NLRP7: variants seen among roughly 807,000 people sequenced by gnomAD.
NLRP7 encodes the protein NLR family pyrin domain containing 7, also known as NACHT, LRR and PYD domains-containing protein 7.
A neutral mutation model predicts 85.5 loss-of-function variants in NLRP7; 72 were observed. The ratio of observed to expected loss-of-function variants is 0.84; its 90% CI spans 0.70 to 1.02. The LOEUF (loss-of-function observed/expected upper bound fraction) is 1.02, where lower values mean the gene tolerates loss of function less well. NLRP7 is among the 50% of genes least tolerant of loss of function. NLRP7 has a pLI of 0.00. For missense variants in NLRP7, 1,243 were observed against 1,219.5 expected (o/e 1.02, Z -0.29); for synonymous variants, 550 against 505.2 (o/e 1.09, Z -1.19).
intron 5 of NLRP7, 47 bp from the exon 6 acceptor site, chr19:54,936,478 A>G (rs2068934457): frequency 2.0e-5 from 30 of 1,483,286 alleles, no homozygotes; most frequent in East Asian, 4.5e-5. Flanking sequence ...TAATACTCAC[A>G]TTGTGTGGAG....
intron 9 of NLRP7, among the ~76,000 whole-genome samples, chr19:54,924,597 C>T (rs984110630): frequency 6.6e-6 from 1 of 151,970 alleles, no homozygotes; most frequent in African/African-American, 2.4e-5. Flanking sequence ...TGCACTCCAG[C>T]CTGGTAACAG....
At chr19:54,963,434 A>C (rs532009416) in intron 1 of NLRP7, among the ~76,000 whole-genome samples, 3 of 152,186 alleles carry the variant, frequency 2.0e-5, no homozygotes, top group South Asian at 2.1e-4. Context: ...TCGTGCCTGC[A>C]ACCCAAGCAC....
chr19:54,962,350 C>G (rs1014141404), intron 1 of NLRP7, among the ~76,000 whole-genome samples: 10 of 149,214 alleles, frequency 6.7e-5, no homozygotes, highest in African/African-American at 2.5e-4. Context: ...TCACTGCAAC[C>G]TCTGCCTCCC....
At chr19:54,965,003 T>C (rs1369634667) in intron 1 of NLRP7, 1 of 102,324 alleles carries the variant, frequency 9.8e-6, no homozygotes, top group East Asian at 2.6e-4. Context: ...AAGCGGTGAT[T>C]CTCAGCCTCG....
intron 4 of NLRP7, 60 bp from the exon 5 acceptor site, chr19:54,938,301 T>C (rs970144076): frequency 1.4e-6 from 2 of 1,389,500 alleles, no homozygotes; most frequent in Non-Finnish European, 2.0e-6. Context: ...GATGGGCATC[T>C]GCAAACCACA....
At chr19:54,942,536 C>G (rs928154429) in intron 1 of NLRP7, among the ~76,000 whole-genome samples, 5 of 150,470 alleles carry the variant, frequency 3.3e-5, no homozygotes, top group African/African-American at 1.2e-4. Flanking sequence ...CCAGCCTGAC[C>G]AACACGGCGA....
At chr19:54,961,171 A>G (rs1364747928) in intron 1 of NLRP7, among the ~76,000 whole-genome samples, 2 of 151,854 alleles carry the variant, frequency 1.3e-5, no homozygotes, top group Non-Finnish European at 2.9e-5. Context: ...CCAGGAGTTC[A>G]AGACCGGCCC....
intron 1 of NLRP7, among the ~76,000 whole-genome samples, chr19:54,956,787 G>A (rs749225046): frequency 2.7e-5 from 4 of 150,284 alleles, no homozygotes; most frequent in Admixed American, 6.7e-5. Context: ...CCAACACCAC[G>A]CCTTCTAATT....
chr19:54,928,549 TTAAAA>T (rs2068542269), intron 9 of NLRP7, among the ~76,000 whole-genome samples: 1 of 152,080 alleles, frequency 6.6e-6, no homozygotes, highest in African/African-American at 2.4e-5. Context: ...GATGATGGTA[TTAAAA>T]TAAACAGGGT....
chr19:54,929,802 T>C (rs1013950536), intron 9 of NLRP7, among the ~76,000 whole-genome samples: 5 of 152,066 alleles, frequency 3.3e-5, no homozygotes, highest in Admixed American at 3.3e-4. Context: ...TCCGAAGTGA[T>C]ACAGTCTGAG....
intron 1 of NLRP7, among the ~76,000 whole-genome samples, chr19:54,959,963 G>A (rs1398881406): frequency 6.6e-6 from 1 of 151,782 alleles, no homozygotes; most frequent in Non-Finnish European, 1.5e-5. Context: ...GTGTAGACAG[G>A]CTTTCACAGA....
At position 54,934,349 on chromosome 19, in the gene NLRP7, G is replaced by A. The variant is rs1376829078; in HGVS notation, c.2471+140C>T. 3 of 854,622 alleles carry A rather than the reference G, an allele frequency of 3.5e-6. No individual in the cohort carries two copies. The highest frequency in any genetic ancestry group is 1.7e-5 in the African/African-American group (1 of 60,220). 52.9% of individuals were successfully genotyped at this position (854,622 alleles called of 1,614,324 possible). ...ACCTCTCTGCTGAGATTACAGGCAGGAGCCACCGTGCCGGGCCTGAAGCAG... is the reference window on the plus strand; with the variant it reads ...ACCTCTCTGCTGAGATTACAGGCAGAAGCCACCGTGCCGGGCCTGAAGCAG... On this transcript the variant is annotated intron_variant, in intron 7 of 9. Transcript: ENST00000340844. The surrounding 1 kb of genome is among the most constrained non-coding windows in gnomAD (Gnocchi z 6.7).
At chr19:54,956,064 T>C (rs1264201615) in intron 1 of NLRP7, among the ~76,000 whole-genome samples, 2 of 146,096 alleles carry the variant, frequency 1.4e-5, no homozygotes, top group African/African-American at 5.1e-5. Context: ...CACTTGAGAC[T>C]GGGAGGTCAT....
intron 1 of NLRP7, among the ~76,000 whole-genome samples, chr19:54,944,281 A>C (rs2069370296): frequency 6.6e-6 from 1 of 152,010 alleles, no homozygotes; most frequent in Non-Finnish European, 1.5e-5. Context: ...CCATCCACCG[A>C]GATAGGGGAA....
At chr19:54,947,657 G>T (rs2069534467), upstream of NLRP7, 2 of 1,288,910 alleles carry the variant, frequency 1.6e-6, no homozygotes, top group Non-Finnish European at 2.0e-6. Context: ...ACATCACCTG[G>T]GCCCCATCCT....
chr19:54,932,654 T>G (rs1208368568), intron 8 of NLRP7, among the ~76,000 whole-genome samples: 1 of 151,072 alleles, frequency 6.6e-6, no homozygotes, highest in Non-Finnish European at 1.5e-5. Context: ...TTTTGTTGAG[T>G]TTTTTTTTGT....
rs553371110 is a variant in NLRP7 at position 54,934,231 on chromosome 19, G to A, written c.2471+258C>T. 3.3e-5 allele frequency among the ~76,000 whole-genome samples: 5 copies of A among 152,118 alleles called. No individual in the cohort carries two copies. The highest frequency in any genetic ancestry group is 4.8e-5 in the African/African-American group (2 of 41,520). On this transcript the variant is annotated intron_variant, in intron 7 of 9. Coordinates refer to ENST00000340844, the Ensembl canonical transcript of NLRP7. The surrounding 1 kb of genome is among the most constrained non-coding windows in gnomAD (Gnocchi z 6.7). ...GCTGGGATTACAGGCATGAGCCACC[G>A]CACCCGGCCTGTTTTTGGTATTTTT...
chr19:54,930,356 G>A, intron 9 of NLRP7, 143 bp downstream of exon 9: 1 of 664,414 alleles, frequency 1.5e-6, no homozygotes, highest in Non-Finnish European at 2.7e-6. Context: ...CAGCTACTCA[G>A]GAGGCTGAGG....
At chr19:54,952,505 A>G (rs1042005291), upstream of NLRP7, among the ~76,000 whole-genome samples, 2 of 151,880 alleles carry the variant, frequency 1.3e-5, no homozygotes, top group Non-Finnish European at 2.9e-5. Context: ...GAGGCAAGAG[A>G]ATTACTTGAA....
Sources: gnomAD v4.1 joint callset for allele counts (sites outside exome capture counted in the v4.1 genomes callset) on GRCh38, gnomAD v4.1.1 for gene constraint, Gnocchi (gnomAD v3.1) non-coding constraint, MANE v1.5 for transcripts, NCBI Gene and HGNC (gene_info 2026-07-23, HGNC 2026-07-21) for gene names.